Variants in RERE observed in about 807,000 individuals in gnomAD.
RERE encodes arginine-glutamic acid dipeptide repeats protein.
A neutral mutation model predicts 146.1 loss-of-function variants in RERE; 40 were observed. That is an observed-to-expected ratio of 0.27 (90% CI 0.21 to 0.36). RERE has a LOEUF of 0.36. Among genes scored for constraint, RERE ranks in the 10% least tolerant of loss-of-function variants. The probability of loss-of-function intolerance (pLI) is 1.00; values close to 1 mark genes in which losing one functional copy is unlikely to be tolerated. For missense variants in RERE, 1,933 were observed against 2,138.7 expected, an observed-to-expected ratio of 0.90 and a Z score of 1.90; for synonymous variants, 1,003 against 866.0, an observed-to-expected ratio of 1.16 and a Z score of -2.78.
intron 11 of RERE, among the ~76,000 whole-genome samples, chr1:8,451,779 T>C (rs150103857): frequency 3.5e-4 from 54 of 152,176 alleles, no homozygotes; most frequent in African/African-American, 1.2e-3. Context: ...CAGGCCAGCA[T>C]TGGGGCATTT....
chr1:8,680,126 G>A (rs1001514247), intron 1 of RERE, among the ~76,000 whole-genome samples: 2 of 152,234 alleles, frequency 1.3e-5, no homozygotes, highest in African/African-American at 4.8e-5. Flanking sequence ...GCAGTCACGT[G>A]ACACCAATGT....
intron 1 of RERE, among the ~76,000 whole-genome samples, chr1:8,790,305 T>C (rs893552260): frequency 2.0e-5 from 3 of 152,172 alleles, no homozygotes; most frequent in African/African-American, 7.2e-5. Context: ...AAAACATGTG[T>C]TCCTAATGTG....
intron 1 of RERE, among the ~76,000 whole-genome samples, chr1:8,718,116 C>G (rs1487426286): frequency 6.6e-6 from 1 of 152,114 alleles, no homozygotes; most frequent in East Asian, 1.9e-4. Context: ...CAATAGTATC[C>G]CTGTTATGTC....
At chr1:8,363,829 T>C (rs1641691565) in intron 15 of RERE, 3 of 579,506 alleles carry the variant, frequency 5.2e-6, no homozygotes, top group Middle Eastern at 4.6e-4. Context: ...AGCTAAGAGC[T>C]TGCTACAAAA....
chr1:8,598,587 C>G (rs537945386), intron 4 of RERE, among the ~76,000 whole-genome samples: 3 of 152,214 alleles, frequency 2.0e-5, no homozygotes, highest in Non-Finnish European at 4.4e-5. Context: ...ATTCCACACA[C>G]AGAAACCACA....
intron 12 of RERE, among the ~76,000 whole-genome samples, chr1:8,407,489 T>C (rs920805473): frequency 1.3e-5 from 2 of 152,192 alleles, no homozygotes; most frequent in African/African-American, 4.8e-5. Flanking sequence ...TTTTTTTTTC[T>C]ATAAAAAGCA....
chr1:8,490,905 TTTA>T (rs1224112614), intron 10 of RERE, among the ~76,000 whole-genome samples: 1 of 150,350 alleles, frequency 6.7e-6, no homozygotes, highest in Non-Finnish European at 1.5e-5. Context: ...GTTTCACAGA[TTTA>T]TATATCTGAA....
chr1:8,516,675 T>C (rs1186632132), intron 7 of RERE, among the ~76,000 whole-genome samples: 2 of 152,086 alleles, frequency 1.3e-5, no homozygotes, highest in Non-Finnish European at 2.9e-5. Flanking sequence ...CACACTCCCA[T>C]ATGGCAGAAT....
chr1:8,690,927 C>G (rs1373346429), intron 1 of RERE, among the ~76,000 whole-genome samples: 1 of 151,938 alleles, frequency 6.6e-6, no homozygotes, highest in African/African-American at 2.4e-5. Context: ...GAGACGGTGT[C>G]TCGCTCTGTC....
rs1644956730 is a variant in RERE at position 8,490,066 on chromosome 1, A to C, written c.1104+4997T>G. On this transcript the variant is annotated intron_variant, in intron 10 of 22. Transcript: ENST00000400908. Reference sequence around the variant, plus strand: ...GAGACTCTGTCTCAAAAAAAAAAAAAAAACCTGTTTGACAGAACAGGCGCA... The same window carrying C: ...GAGACTCTGTCTCAAAAAAAAAAAACAAACCTGTTTGACAGAACAGGCGCA... 2.1e-5 allele frequency among the ~76,000 whole-genome samples: 3 copies of C among 144,814 alleles called. No homozygotes were observed. The South Asian group carries it at 6.6e-4, about 32-fold the overall frequency.
At chr1:8,758,387 C>CTTTTTTTTTT in intron 1 of RERE, among the ~76,000 whole-genome samples, 1 of 132,060 alleles carries the variant, frequency 7.6e-6, no homozygotes, top group Admixed American at 7.7e-5. Context: ...GGCCCTCAAT[C>CTTTTTTTTTT]TTTTTTTTTT....
chr1:8,671,309 A>G (rs1266193945), intron 1 of RERE, among the ~76,000 whole-genome samples: 1 of 152,262 alleles, frequency 6.6e-6, no homozygotes, highest in East Asian at 1.9e-4. Context: ...GAAAGACTAC[A>G]TGACGATGCT....
At chr1:8,787,116 C>T (rs2124568124) in intron 1 of RERE, among the ~76,000 whole-genome samples, 1 of 152,300 alleles carries the variant, frequency 6.6e-6, no homozygotes, top group South Asian at 2.1e-4. Flanking sequence ...GGCTCCTGCC[C>T]CTCTTTCCTG....
intron 8 of RERE, among the ~76,000 whole-genome samples, chr1:8,498,231 C>T (rs765692485): frequency 2.6e-5 from 4 of 151,692 alleles, no homozygotes; most frequent in Non-Finnish European, 4.4e-5. Context: ...CGGTGGCGGG[C>T]GCCTATAATT....
chr1:8,501,035 G>GT (rs1557660928), intron 8 of RERE, among the ~76,000 whole-genome samples: 1 of 122,542 alleles, frequency 8.2e-6, no homozygotes, highest in African/African-American at 3.7e-5. Context: ...TCCGGGAGGG[G>GT]GGGGGGGGGT....
chr1:8,383,705 A>C (rs1364530079), intron 12 of RERE, among the ~76,000 whole-genome samples: 4 of 151,926 alleles, frequency 2.6e-5, no homozygotes, highest in African/African-American at 9.7e-5. Context: ...CTAAAAATAC[A>C]AAAATTAGCC....
chr1:8,677,425 C>CA (rs33947474), intron 1 of RERE, among the ~76,000 whole-genome samples: 2,880 of 93,458 alleles, frequency 0.031, 126 homozygotes, highest in African/African-American at 0.1. Context: ...GTCTCCGTCT[C>CA]AAAAAAAAAA....
chr1:8,382,138 G>C (rs1303190774), intron 12 of RERE, among the ~76,000 whole-genome samples: 1 of 152,238 alleles, frequency 6.6e-6, no homozygotes, highest in Non-Finnish European at 1.5e-5. Context: ...GGAGCACATA[G>C]AGACTTCCTG....
intron 7 of RERE, among the ~76,000 whole-genome samples, chr1:8,537,844 A>G (rs2124383276): frequency 6.6e-6 from 1 of 152,346 alleles, no homozygotes. Flanking sequence ...ACATTCAGAA[A>G]TATAATGACC....
Sources: gnomAD v4.1 joint callset for allele counts (sites outside exome capture counted in the v4.1 genomes callset) on GRCh38, gnomAD v4.1.1 for gene constraint, MANE v1.5 for transcripts, NCBI Gene and HGNC (gene_info 2026-07-23, HGNC 2026-07-21) for gene names.